The following FMN1 variants were observed in gnomAD, a reference collection of about 807,000 sequenced individuals.
The protein encoded by FMN1 is formin-1.
A neutral mutation model predicts 132.4 loss-of-function variants in FMN1; 110 were observed. The observed-to-expected ratio is 0.83, with a 90% confidence interval of 0.71 to 0.97. FMN1 has a LOEUF of 0.97. Among genes scored for constraint, FMN1 ranks in the 50% least tolerant of loss-of-function variants. FMN1 has a pLI of 0.00. For missense variants in FMN1, 1,792 were observed against 1,705.3 expected, an observed-to-expected ratio of 1.05 and a Z score of -0.90; for synonymous variants, 722 against 651.7, an observed-to-expected ratio of 1.11 and a Z score of -1.64.
chr15:33,007,535 G>T (rs1566817970), intron 7 of FMN1, among the ~76,000 whole-genome samples: 1 of 152,022 alleles, frequency 6.6e-6, no homozygotes, highest in Non-Finnish European at 1.5e-5. Context: ...CACTCTCTGA[G>T]GATACGGAAG....
chr15:33,072,071 A>AAAAC (rs201378423), intron 5 of FMN1, among the ~76,000 whole-genome samples: 39 of 152,142 alleles, frequency 2.6e-4, no homozygotes, highest in Admixed American at 1.8e-3. Flanking sequence ...GATCTTCACC[A>AAAAC]AAACAAACAA....
rs1964134448 is a variant in FMN1, at chr15:33,144,505, CA to C, written c.1867+8542del. ...ACAAAAAATTAGCCGGGCGTGGTGG[CA>C]GGTGCCTGTAGTCCCAGGCTACTCG... On this transcript the variant is annotated intron_variant, in intron 4 of 20. Coordinates refer to ENST00000616417, the MANE Select transcript of FMN1 (RefSeq NM_001277313.2). Among the ~76,000 whole-genome samples, 5 of 151,844 alleles carry C rather than the reference CA, an allele frequency of 3.3e-5. No individual in the cohort carries two copies. In the South Asian group the frequency reaches 6.3e-4, roughly 19 times the overall value.
chr15:32,908,623 AGG>A, intron 11 of FMN1, 45 bp from the exon 12 acceptor site: 1 of 922,344 alleles, frequency 1.1e-6, no homozygotes, highest in Non-Finnish European at 1.6e-6. Context: ...AAAAAAAAAA[AGG>A]GAAGTGAGAC....
At chr15:32,895,937 A>C (rs1448402139) in intron 15 of FMN1, among the ~76,000 whole-genome samples, 1 of 152,148 alleles carries the variant, frequency 6.6e-6, no homozygotes, top group Admixed American at 6.5e-5. Context: ...TCTTAGACTG[A>C]ACACTTCGAA....
At chr15:32,967,262 ACT>A (rs1157612968) in intron 8 of FMN1, among the ~76,000 whole-genome samples, 1 of 152,066 alleles carries the variant, frequency 6.6e-6, no homozygotes, top group Non-Finnish European at 1.5e-5. Flanking sequence ...TCCCAGTGGG[ACT>A]CTTTGATGGC....
In FMN1 at chr15:33,154,537, C is replaced by T. The variant is rs926745160; in HGVS notation, c.378G>A (p.Leu126=). 22 of 1,536,112 alleles carry T rather than the reference C, an allele frequency of 1.4e-5. 1 individual carries two copies. In the East Asian group the frequency reaches 5.4e-4, roughly 38 times the overall value. ...EGKLQELSVS[L]APEDDCFQSA... ...TCTGGAAACAGTCATCCTCGGGGGC[C>T]AGGCTCACGGACAGCTCTTGCAGCT... Residue 126 remains leucine, a synonymous_variant, in exon 4 of 21, where the codon CTG becomes CTA. Coordinates refer to ENST00000616417, the MANE Select transcript of FMN1 (RefSeq NM_001277313.2).
chr15:33,018,499 G>A (rs1210350997), intron 6 of FMN1, among the ~76,000 whole-genome samples: 1 of 152,114 alleles, frequency 6.6e-6, no homozygotes, highest in Admixed American at 6.5e-5. Context: ...GAACCCAAGA[G>A]GACTGGGTTC....
intron 17 of FMN1, among the ~76,000 whole-genome samples, chr15:32,832,821 A>G (rs562762802): frequency 1.3e-5 from 2 of 152,246 alleles, no homozygotes; most frequent in South Asian, 2.1e-4. Flanking sequence ...CCAAGGCCTG[A>G]TGATACGGGG....
At chr15:33,170,607 A>C (rs1005466922) in intron 3 of FMN1, among the ~76,000 whole-genome samples, 1 of 152,098 alleles carries the variant, frequency 6.6e-6, no homozygotes, top group Non-Finnish European at 1.5e-5. Flanking sequence ...AATATTTCTC[A>C]AAAGACATAC....
chr15:32,806,446 A>G (rs769518940), intron 17 of FMN1, among the ~76,000 whole-genome samples: 1 of 152,256 alleles, frequency 6.6e-6, no homozygotes, highest in African/African-American at 2.4e-5. Context: ...TGTGTGCTCA[A>G]TATAGGCCAT....
Position 32,968,838 on chromosome 15 carries a change from G to A in FMN1, c.2863C>T (p.Pro955Ser). 7.5e-6 allele frequency: 12 copies of A among 1,607,662 alleles called. No individual in the cohort carries two copies. Among genetic ancestry groups the A allele is most frequent in the Non-Finnish European group, 1.0e-5 (12 of 1,176,740 alleles). Reference protein sequence around the residue: ...APPPPGLAPPPPPGLFFGLGS... With the variant: ...APPPPGLAPPSPPGLFFGLGS... ...AGTCCAAAGAAGAGTCCAGGGGGAGGTGGGGGTGCAAGTCCTGGGGGTGGT... is the reference window on the plus strand; with the variant it reads ...AGTCCAAAGAAGAGTCCAGGGGGAGATGGGGGTGCAAGTCCTGGGGGTGGT... The change falls in exon 8 of 21, where the codon CCT (proline) becomes TCT (serine). Residue 955 changes from proline (P) to serine (S), a missense_variant. This residue lies in a region of FMN1 where 1,150 missense variants were observed against 1,043.1 expected (regional missense o/e 1.10). Transcript: ENST00000616417.
At chr15:32,811,669 C>T (rs192061051) in intron 17 of FMN1, among the ~76,000 whole-genome samples, 1 of 145,246 alleles carries the variant, frequency 6.9e-6, no homozygotes, top group East Asian at 2.0e-4. Context: ...ATTTTATTTG[C>T]TTTTTTTTTT....
chr15:32,853,057 C>T (rs2059045203), intron 17 of FMN1, among the ~76,000 whole-genome samples: 1 of 152,174 alleles, frequency 6.6e-6, no homozygotes, highest in Non-Finnish European at 1.5e-5. Context: ...CCTCAATTTC[C>T]TCATCTGTAT....
intron 6 of FMN1, among the ~76,000 whole-genome samples, chr15:33,027,629 C>T (rs905295023): frequency 6.6e-6 from 1 of 152,154 alleles, no homozygotes; most frequent in African/African-American, 2.4e-5. Flanking sequence ...GTAGTTTTAG[C>T]TTTGTTTTTC....
intron 14 of FMN1, chr15:32,899,656 G>A: frequency 3.3e-6 from 1 of 305,104 alleles, no homozygotes; most frequent in Non-Finnish European, 6.0e-6. Context: ...ACAGCCTCCA[G>A]CCTTTGCAGG....
Position 33,012,761 on chromosome 15 carries a change from T to C in FMN1, c.2162-4686A>G. On this transcript the variant is annotated intron_variant, in intron 6 of 20. Coordinates refer to ENST00000616417, the MANE Select transcript of FMN1 (RefSeq NM_001277313.2). ...GGTGGTTTTGGTGGGAACGACATCT[T>C]TGGTTATGGAGAAAACTTCAGTGGT... 3 of 726,534 alleles carry C rather than the reference T, an allele frequency of 4.1e-6. 1 individual carries two copies. Among genetic ancestry groups the C allele is most frequent in the South Asian group, 4.1e-5 (3 of 73,384 alleles). 45.0% of individuals were successfully genotyped at this position (726,534 alleles called of 1,614,324 possible).
In FMN1 at chr15:32,796,987, G is replaced by A. The variant is rs2057311091; in HGVS notation, c.4130+1817C>T. Among the ~76,000 whole-genome samples, 3 of 152,170 alleles carry A rather than the reference G, an allele frequency of 2.0e-5. No individual in the cohort carries two copies. The South Asian group carries it at 6.2e-4, about 32-fold the overall frequency. The stretch of plus-strand genomic sequence containing the variant: ...AGAAGAACCAAAAAGGGTCTTGTGA[G>A]GTCATGACCCTGTAAAGGGGTTGGT... On this transcript the variant is annotated intron_variant, in intron 19 of 20. Coordinates refer to ENST00000616417, the MANE Select transcript of FMN1 (RefSeq NM_001277313.2).
rs146024325 is a variant in FMN1 at position 32,877,289 on chromosome 15, G to GAAA, written c.3835+10880_3835+10882dup. Among the ~76,000 whole-genome samples the GAAA allele has an allele frequency of 1.4e-3, 187 of 136,230 alleles. 2 individuals carry two copies. Among genetic ancestry groups the GAAA allele is most frequent in the Middle Eastern group, 3.7e-3 (1 of 272 alleles). The allele number at this position is 136,230 out of a possible 152,430, so 89.4% of individuals were successfully genotyped here. On this transcript the variant is annotated intron_variant, in intron 16 of 20. Transcript: ENST00000616417. ...GTGGCAGAACAATATTCTGTCTCAG[G>GAAA]AAAAAAAAAAAAAAGGATAGATGGT...
chr15:32,905,449 C>T (rs1266969071), intron 12 of FMN1, among the ~76,000 whole-genome samples: 1 of 152,190 alleles, frequency 6.6e-6, no homozygotes, highest in East Asian at 1.9e-4. Context: ...AGTGTTCTCA[C>T]CCTAGGCCAT....
Sources: gnomAD v4.1 joint callset for allele counts (sites outside exome capture counted in the v4.1 genomes callset) on GRCh38, gnomAD v4.1.1 for gene constraint, gnomAD v4.1.1 regional missense constraint, MANE v1.5 for transcripts, NCBI Gene and HGNC (gene_info 2026-07-23, HGNC 2026-07-21) for gene names.